PDE4D: variants seen among roughly 807,000 people sequenced by gnomAD.
PDE4D encodes the protein phosphodiesterase 4D.
PDE4D carries 24 observed loss-of-function variants against 87.4 expected under a neutral mutation model. The ratio of observed to expected loss-of-function variants is 0.27; its 90% confidence interval spans 0.20 to 0.39. The LOEUF (loss-of-function observed/expected upper bound fraction) is 0.39. Ranked by LOEUF, PDE4D falls within the 10% of genes least tolerant of loss-of-function variation. PDE4D has a pLI of 1.00. For synonymous variants in PDE4D, 384 were observed against 383.2 expected (o/e 1.00, Z -0.02); for missense variants, 714 against 1,041.0 (o/e 0.69, Z 4.32).
At position 60,406,087 on chromosome 5, in the gene PDE4D, GA is replaced by G. The variant is rs910915143; in HGVS notation, c.-90+81854del. On this transcript the variant is annotated intron_variant, in intron 1 of 16. Coordinates refer to the PDE4D transcript ENST00000502484. The stretch of plus-strand genomic sequence containing the variant: ...TACAACATTTCCATTCTCATCATTG[GA>G]AAAAAAATAATAAAGATATTTCCTG... Among the ~76,000 whole-genome samples, 497 of 150,802 alleles carry G rather than the reference GA, an allele frequency of 3.3e-3. 5 individuals are homozygous for G. The highest frequency in any genetic ancestry group is 0.011 in the African/African-American group (466 of 41,116).
intron 1 of PDE4D, among the ~76,000 whole-genome samples, chr5:59,676,457 G>T (rs1023701311): frequency 1.3e-5 from 2 of 152,072 alleles, no homozygotes; most frequent in African/African-American, 2.4e-5. Context: ...GTCAACTTTT[G>T]TTTTATGATA....
At chr5:59,986,893 T>A (rs1297720641) in intron 3 of PDE4D, 1 of 152,216 alleles carries the variant, frequency 6.6e-6, no homozygotes, top group Non-Finnish European at 1.5e-5. Flanking sequence ...GGTAAAGGCA[T>A]CCCTGGTGAA....
intron 1 of PDE4D, among the ~76,000 whole-genome samples, chr5:59,384,096 G>A (rs781640149): frequency 6.6e-6 from 1 of 151,828 alleles, no homozygotes; most frequent in African/African-American, 2.4e-5. Flanking sequence ...TGAGGAGACG[G>A]TGTCTTGCCA....
chr5:59,574,141 TA>T (rs1561242329), intron 1 of PDE4D, among the ~76,000 whole-genome samples: 84 of 5,108 alleles, frequency 0.016, no homozygotes, highest in African/African-American at 0.028. Context: ...TATATATATA[TA>T]TAAATATATA....
chr5:60,047,795 A>G (rs1174609898), intron 2 of PDE4D, among the ~76,000 whole-genome samples: 1 of 152,090 alleles, frequency 6.6e-6, no homozygotes, highest in East Asian at 1.9e-4. Flanking sequence ...GTATGTGGTC[A>G]ATTTTGGAAT....
intron 1 of PDE4D, among the ~76,000 whole-genome samples, chr5:59,765,495 C>A (rs1170789357): frequency 6.6e-6 from 1 of 152,194 alleles, no homozygotes; most frequent in Non-Finnish European, 1.5e-5. Context: ...TGGAACAGAG[C>A]TATGTTTCCC....
At chr5:59,467,636 A>G (rs1237327013) in intron 1 of PDE4D, among the ~76,000 whole-genome samples, 1 of 152,248 alleles carries the variant, frequency 6.6e-6, no homozygotes, top group Non-Finnish European at 1.5e-5. Flanking sequence ...ATATGTTTAA[A>G]TCTCGAAATC....
chr5:59,281,931 A>G (rs1429036524), intron 1 of PDE4D, among the ~76,000 whole-genome samples: 3 of 152,216 alleles, frequency 2.0e-5, no homozygotes, highest in Non-Finnish European at 4.4e-5. Flanking sequence ...ACACCTTGAG[A>G]AATCAATGTA....
chr5:58,992,688 C>T (rs567398024), intron 7 of PDE4D, among the ~76,000 whole-genome samples: 1 of 152,244 alleles, frequency 6.6e-6, no homozygotes, highest in African/African-American at 2.4e-5. Context: ...AAGATATCTT[C>T]TTACTTTCAT....
chr5:59,484,367 A>C (rs2153657477), intron 1 of PDE4D, among the ~76,000 whole-genome samples: 1 of 152,308 alleles, frequency 6.6e-6, no homozygotes, highest in Admixed American at 6.5e-5. Context: ...ACCACTTAGC[A>C]TATCTTTATC....
At chr5:59,325,503 T>C (rs930590065) in intron 1 of PDE4D, among the ~76,000 whole-genome samples, 2 of 152,190 alleles carry the variant, frequency 1.3e-5, no homozygotes, top group African/African-American at 4.8e-5. Context: ...GTGACACCTT[T>C]GTATTTATCA....
intron 2 of PDE4D, among the ~76,000 whole-genome samples, chr5:60,080,405 T>G (rs1773793609): frequency 6.6e-6 from 1 of 152,204 alleles, no homozygotes; most frequent in African/African-American, 2.4e-5. Context: ...TGGTCAGAAC[T>G]TCCAATACAA....
rs151059080 is a variant in PDE4D at position 59,809,983 on chromosome 5, G to T, written c.455+83185C>A. ...ATTGAATAAAAAATGTATACTGCTT[G>T]AAAGGCAATTAAGCGACTTCTCATA... On this transcript the variant is annotated intron_variant, in intron 1 of 14. Transcript: ENST00000340635. Among the ~76,000 whole-genome samples the T allele has an allele frequency of 2.7e-3, 411 of 152,318 alleles. 3 individuals carry two copies. The highest frequency in any genetic ancestry group is 9.5e-3 in the African/African-American group (394 of 41,570).
chr5:59,896,146 T>A (rs1190044581), upstream of PDE4D, among the ~76,000 whole-genome samples: 4 of 152,200 alleles, frequency 2.6e-5, no homozygotes, highest in African/African-American at 9.6e-5. Context: ...TTATTTACCA[T>A]CCCTGTCTCC....
At chr5:59,541,776 A>G (rs1281313277) in intron 1 of PDE4D, among the ~76,000 whole-genome samples, 1 of 152,218 alleles carries the variant, frequency 6.6e-6, no homozygotes, top group African/African-American at 2.4e-5. Context: ...CTTCAGCTGA[A>G]TCTACTCACT....
intron 2 of PDE4D, among the ~76,000 whole-genome samples, chr5:60,068,309 T>G (rs1772331405): frequency 6.6e-6 from 1 of 152,186 alleles, no homozygotes; most frequent in African/African-American, 2.4e-5. Flanking sequence ...TAATTCACAT[T>G]TCCTGGATGA....
intron 1 of PDE4D, among the ~76,000 whole-genome samples, chr5:59,324,957 A>G (rs886251794): frequency 6.6e-6 from 1 of 152,150 alleles, no homozygotes; most frequent in Non-Finnish European, 1.5e-5. Flanking sequence ...TTAATAGGGA[A>G]AACTTTATTA....
intron 1 of PDE4D, among the ~76,000 whole-genome samples, chr5:60,290,483 C>T (rs1752796422): frequency 6.6e-6 from 1 of 152,094 alleles, no homozygotes; most frequent in South Asian, 2.1e-4. Flanking sequence ...AAAACTTATA[C>T]ATTAATATGA....
At position 60,473,969 on chromosome 5, in the gene PDE4D, C is replaced by A. The variant is rs558774494; in HGVS notation, c.-90+13973G>T. On this transcript the variant is annotated intron_variant, in intron 1 of 16. Coordinates refer to the PDE4D transcript ENST00000502484. ...TCCTAAAGATAAGCATCAGTCACAT[C>A]CTTGCCTCAAGGCCTAATTTGAATC... Among the ~76,000 whole-genome samples, 300 of 149,602 alleles carry A rather than the reference C, an allele frequency of 2.0e-3. 1 individual carries two copies. Among genetic ancestry groups the A allele is most frequent in the African/African-American group, 7.0e-3 (286 of 40,864 alleles).
Sources: gnomAD v4.1 joint callset for allele counts (sites outside exome capture counted in the v4.1 genomes callset) on GRCh38, gnomAD v4.1.1 for gene constraint, MANE v1.5 for transcripts, NCBI Gene and HGNC (gene_info 2026-07-23, HGNC 2026-07-21) for gene names.